Variants in DACH2 observed in about 807,000 individuals in gnomAD.
DACH2 encodes dachshund family transcription factor 2, also known as dachshund homolog 2.
In DACH2, 17 loss-of-function variants were observed where a neutral mutation model predicts 35.8. That is an observed-to-expected ratio of 0.48 (90% CI 0.33 to 0.71). DACH2 has a LOEUF of 0.71. Ranked by LOEUF, DACH2 falls within the 30% of genes least tolerant of loss-of-function variation. The pLI, the probability that DACH2 is intolerant of heterozygous loss-of-function variation, is 0.02. For missense variants in DACH2, 469 were observed against 472.7 expected, an observed-to-expected ratio of 0.99 and a Z score of 0.07; for synonymous variants, 195 against 177.3, an observed-to-expected ratio of 1.10 and a Z score of -0.79.
chrX:86,432,585 C>T (rs759523117), intron 2 of DACH2, among the ~76,000 whole-genome samples: 27 of 111,953 alleles, frequency 2.4e-4, no homozygotes, highest in Admixed American at 4.8e-4. Context: ...TATTGATTAA[C>T]AGAAATTTTG....
At chrX:86,758,402 A>G (rs1602906876) in intron 7 of DACH2, among the ~76,000 whole-genome samples, 1 of 111,707 alleles carries the variant, frequency 9.0e-6, no homozygotes, top group African/African-American at 3.2e-5. Flanking sequence ...GCTGTATCAC[A>G]CAGGTTTTGG....
At chrX:86,654,197 A>AC (rs1209730958) in intron 4 of DACH2, among the ~76,000 whole-genome samples, 1,139 of 102,435 alleles carry the variant, frequency 0.011, 21 homozygotes, top group African/African-American at 0.042. Context: ...TAAAAAAAAA[A>AC]AAAAAAAAAA....
intron 2 of DACH2, among the ~76,000 whole-genome samples, chrX:86,489,597 C>T (rs375103221): frequency 6.3e-5 from 7 of 111,224 alleles, no homozygotes; most frequent in East Asian, 2.8e-4. Flanking sequence ...ACAATGTAAA[C>T]ATGTATCAAA....
intron 2 of DACH2, among the ~76,000 whole-genome samples, chrX:86,405,033 C>T: frequency 8.9e-6 from 1 of 111,805 alleles, no homozygotes; most frequent in Non-Finnish European, 1.9e-5. Flanking sequence ...AGTTGTGATG[C>T]AGGGTGCAAA....
intron 1 of DACH2, among the ~76,000 whole-genome samples, chrX:86,281,419 A>G (rs749673954): frequency 1.8e-5 from 2 of 111,773 alleles, no homozygotes; most frequent in African/African-American, 6.5e-5. Context: ...ATCTCAGTAG[A>G]TGCAGAAAAG....
intron 2 of DACH2, 163 bp from the exon 3 acceptor site, chrX:86,514,116 G>A: frequency 2.1e-6 from 1 of 480,659 alleles, no homozygotes; most frequent in Non-Finnish European, 3.5e-6. Context: ...TTAGCGGAAA[G>A]TAAAGAATTG....
rs151127153 is a variant in DACH2 at position 86,536,775 on chromosome X, C to T, written c.640+22384C>T. Among the ~76,000 whole-genome samples, 198 of 111,996 alleles carry T rather than the reference C, an allele frequency of 1.8e-3. 1 individual carries two copies. Among genetic ancestry groups the T allele is most frequent in the African/African-American group, 5.6e-3 (173 of 30,864 alleles). ...ATCTGTCTCCTCAAAATGTATAAAA[C>T]GATGCTGTAACCCAACCACCTTGGG... On this transcript the variant is annotated intron_variant, in intron 3 of 11. Transcript: ENST00000373125.
chrX:86,813,558 G>A (rs886436624), intron 9 of DACH2, among the ~76,000 whole-genome samples: 12 of 107,810 alleles, frequency 1.1e-4, no homozygotes, highest in Non-Finnish European at 2.3e-4. Flanking sequence ...GTTGCAGTAA[G>A]CCGAAATTGT....
chrX:86,287,364 T>C (rs2034173939), intron 1 of DACH2, among the ~76,000 whole-genome samples: 1 of 111,440 alleles, frequency 9.0e-6, no homozygotes, highest in African/African-American at 3.3e-5. Context: ...TTTGAGTTAG[T>C]CTTCTTTGGG....
At chrX:86,411,139 A>C (rs2036607969) in intron 2 of DACH2, among the ~76,000 whole-genome samples, 1 of 102,758 alleles carries the variant, frequency 9.7e-6, no homozygotes, top group Non-Finnish European at 2.0e-5. Context: ...AGCCAGTCCA[A>C]GTCCCAAAAC....
intron 7 of DACH2, among the ~76,000 whole-genome samples, chrX:86,806,179 C>T (rs2042342920): frequency 9.0e-6 from 1 of 111,363 alleles, no homozygotes; most frequent in African/African-American, 3.3e-5. Context: ...CACAGTTTCA[C>T]AGGCTGTACA....
intron 3 of DACH2, among the ~76,000 whole-genome samples, chrX:86,621,608 GC>G (rs1351353811): frequency 1.8e-5 from 2 of 111,237 alleles, no homozygotes; most frequent in African/African-American, 6.5e-5. Context: ...TCAATTCTCT[GC>G]CTTATTACTT....
chrX:86,229,286 G>T (rs890243163), intron 1 of DACH2, among the ~76,000 whole-genome samples: 1 of 111,525 alleles, frequency 9.0e-6, no homozygotes, highest in African/African-American at 3.3e-5. Flanking sequence ...TAAGTATTTG[G>T]ATTTATTTCT....
intron 4 of DACH2, among the ~76,000 whole-genome samples, chrX:86,652,164 C>A (rs778060110): frequency 9.0e-6 from 1 of 111,336 alleles, no homozygotes; most frequent in Non-Finnish European, 1.9e-5. Context: ...ATGTTCTCAT[C>A]ATTTAGCTCC....
chrX:86,449,528 T>TA (rs2037330188), intron 2 of DACH2, among the ~76,000 whole-genome samples: 1 of 111,794 alleles, frequency 8.9e-6, no homozygotes, highest in African/African-American at 3.2e-5. Context: ...ACTGCTATTT[T>TA]AAAAATTGTT....
At chrX:86,784,845 A>T (rs751136027) in intron 7 of DACH2, among the ~76,000 whole-genome samples, 9 of 111,707 alleles carry the variant, frequency 8.1e-5, no homozygotes, top group African/African-American at 2.9e-4. Flanking sequence ...ATGGAGCTGG[A>T]GGCCATTATC....
At chrX:86,280,118 C>A (rs759311427) in intron 1 of DACH2, among the ~76,000 whole-genome samples, 6 of 110,617 alleles carry the variant, frequency 5.4e-5, no homozygotes, top group African/African-American at 2.0e-4. Flanking sequence ...CAAAGATACT[C>A]CTCGAGAAGA....
intron 1 of DACH2, among the ~76,000 whole-genome samples, chrX:86,194,417 C>T (rs2031919541): frequency 9.0e-6 from 1 of 111,634 alleles, no homozygotes; most frequent in Non-Finnish European, 1.9e-5. Flanking sequence ...GGGAATGAGA[C>T]AACTGGCGCA....
rs763978391 is a variant in DACH2, at chrX:86,239,355, C to G, written c.488+90247C>G. On this transcript the variant is annotated intron_variant, in intron 1 of 11. Coordinates refer to ENST00000373125, the MANE Select transcript of DACH2 (RefSeq NM_053281.3). ...CATGCAGAAGCCCCCCTTTTTACCCCATTTTAGATACTACCACCTGCCAAG... is the reference window on the plus strand; with the variant it reads ...CATGCAGAAGCCCCCCTTTTTACCCGATTTTAGATACTACCACCTGCCAAG... Among the ~76,000 whole-genome samples, 5 of 111,457 alleles carry G rather than the reference C, an allele frequency of 4.5e-5. No homozygotes were observed. The East Asian group carries it at 1.1e-3, about 25-fold the overall frequency.
Sources: allele counts gnomAD v4.1 joint callset (sites outside exome capture counted in the v4.1 genomes callset), GRCh38; gene constraint gnomAD v4.1.1; transcripts MANE v1.5; gene names NCBI Gene and HGNC (gene_info 2026-07-23, HGNC 2026-07-21).